FAM13B: variants seen among roughly 807,000 people sequenced by gnomAD.
FAM13B encodes the protein protein FAM13B.
In FAM13B, 60 loss-of-function variants were observed where a neutral mutation model predicts 117.3. That is an observed-to-expected ratio of 0.51 (90% confidence interval 0.42 to 0.63). The LOEUF (loss-of-function observed/expected upper bound fraction) is 0.63. Among genes scored for constraint, FAM13B ranks in the 30% least tolerant of loss-of-function variants. The pLI is 0.00. For missense variants in FAM13B, 972 were observed against 1,091.9 expected (o/e 0.89, Z 1.55); for synonymous variants, 332 against 356.1 (o/e 0.93, Z 0.76).
intron 10 of FAM13B, among the ~76,000 whole-genome samples, chr5:137,966,953 C>T (rs535925278): frequency 7.9e-5 from 12 of 152,130 alleles, no homozygotes; most frequent in Non-Finnish European, 1.5e-4. Context: ...GCTGAATCTG[C>T]TCTTCACATC....
chr5:137,978,403 C>T (rs925940628), intron 10 of FAM13B, among the ~76,000 whole-genome samples: 1 of 151,858 alleles, frequency 6.6e-6, no homozygotes, highest in African/African-American at 2.4e-5. Flanking sequence ...TTTATACTTC[C>T]GATGTCTGTA....
chr5:137,981,661 C>T lies in FAM13B; in HGVS notation c.1179+3596G>A, dbSNP rs145441724. Among the ~76,000 whole-genome samples the T allele has an allele frequency of 3.2e-3, 480 of 152,124 alleles. 1 individual carries two copies. The highest frequency in any genetic ancestry group is 5.7e-3 in the Non-Finnish European group (387 of 68,002). ...ATTAGCCGGGCGTGGTGGCACATGC[C>T]TGTAATCCCAGCTACCTGGGAGGCT... On this transcript the variant is annotated intron_variant, in intron 10 of 23. Transcript: ENST00000689681.
upstream of FAM13B, chr5:138,036,997 A>C (rs1791230552): frequency 2.5e-5 from 5 of 199,648 alleles, no homozygotes; most frequent in South Asian, 4.0e-4. Flanking sequence ...CAGCCCCTAC[A>C]GCAAAGAACA....
intron 10 of FAM13B, among the ~76,000 whole-genome samples, chr5:137,983,176 TAAAAAAAAAAAAAAAAAAAAAAAAAA>T (rs56880991): frequency 1.3e-5 from 1 of 75,118 alleles, no homozygotes; most frequent in African/African-American, 5.7e-5. Flanking sequence ...CCAGTGTAGG[TAAAAAAAAAAAAAAAAAAAAAAAAAA>T]AAAAAAAAAA....
chr5:137,941,537 C>A (rs1386076051), intron 23 of FAM13B, among the ~76,000 whole-genome samples: 1 of 152,162 alleles, frequency 6.6e-6, no homozygotes, highest in East Asian at 1.9e-4. Context: ...AACGGGCAAC[C>A]TCAACACACA....
In FAM13B at chr5:137,987,596, C is replaced by G; in HGVS notation, c.911G>C (p.Arg304Thr). The G allele has an allele frequency of 6.2e-7, 1 of 1,611,450 alleles. No homozygotes were observed. Among genetic ancestry groups the G allele is most frequent in the South Asian group, 1.1e-5 (1 of 90,348 alleles). ...ASTDILERTIRAAVEQHLFDL... is the reference protein window; with the variant it reads ...ASTDILERTITAAVEQHLFDL... ...AAAAAGGTGCTGTTCCACAGCTGCTCTAATTGTTCTTTCTAAAATACTACA... is the reference window on the plus strand; with the variant it reads ...AAAAAGGTGCTGTTCCACAGCTGCTGTAATTGTTCTTTCTAAAATACTACA... The change falls in exon 9 of 24, where the codon AGA becomes ACA. Residue 304 changes from arginine to threonine, a missense_variant. Physicochemically the swap from Arg to Thr is moderately conservative, Grantham distance 71 (BLOSUM62 -1). Coordinates refer to ENST00000689681, the MANE Select transcript of FAM13B (RefSeq NM_001385994.1).
chr5:137,970,976 C>CTA (rs2150393372), intron 10 of FAM13B, among the ~76,000 whole-genome samples: 1 of 152,018 alleles, frequency 6.6e-6, no homozygotes, highest in African/African-American at 2.4e-5. Flanking sequence ...CCTGAGTGAC[C>CTA]TACAAAGAGA....
chr5:137,971,593 G>A (rs1196846979), intron 10 of FAM13B, among the ~76,000 whole-genome samples: 1 of 151,394 alleles, frequency 6.6e-6, no homozygotes, highest in Non-Finnish European at 1.5e-5. Context: ...CTAGCAGAAG[G>A]CAAGAAATAA....
At chr5:137,989,553 A>G (rs1320204964) in intron 7 of FAM13B, among the ~76,000 whole-genome samples, 1 of 152,166 alleles carries the variant, frequency 6.6e-6, no homozygotes. Context: ...GACTAGGTGT[A>G]GTGGTTCATG....
chr5:137,958,485 G>T (rs951327032), intron 13 of FAM13B, among the ~76,000 whole-genome samples: 2 of 150,928 alleles, frequency 1.3e-5, no homozygotes, highest in Non-Finnish European at 2.9e-5. Context: ...CTCCATTTGC[G>T]ATCAGGTGAG....
intron 7 of FAM13B, among the ~76,000 whole-genome samples, chr5:137,999,478 A>G (rs1057266948): frequency 6.6e-6 from 1 of 152,036 alleles, no homozygotes; most frequent in African/African-American, 2.4e-5. Flanking sequence ...CAGGAGGCTG[A>G]GGCAGAAGAA....
intron 10 of FAM13B, among the ~76,000 whole-genome samples, chr5:137,972,335 C>T (rs1772452844): frequency 6.6e-6 from 1 of 152,136 alleles, no homozygotes; most frequent in South Asian, 2.1e-4. Flanking sequence ...TGTAATCCAG[C>T]ATATAAACAG....
chr5:138,021,909 G>A (rs1561540004), intron 1 of FAM13B, among the ~76,000 whole-genome samples: 1 of 152,032 alleles, frequency 6.6e-6, no homozygotes, highest in Non-Finnish European at 1.5e-5. Context: ...TTGAGCCCAG[G>A]AGTTTGAGAC....
intron 7 of FAM13B, among the ~76,000 whole-genome samples, chr5:137,998,056 A>G (rs1231501684): frequency 6.6e-6 from 1 of 152,188 alleles, no homozygotes; most frequent in Non-Finnish European, 1.5e-5. Context: ...TGCCTACCCA[A>G]TCAAGTTATT....
At chr5:137,979,012 AC>A (rs1382346743) in intron 10 of FAM13B, among the ~76,000 whole-genome samples, 7 of 143,692 alleles carry the variant, frequency 4.9e-5, no homozygotes, top group African/African-American at 1.8e-4. Context: ...CACAGTTCAG[AC>A]TTTTTTTTTT....
At position 137,941,888 on chromosome 5, in the gene FAM13B, G is replaced by C. The variant is rs549025350; in HGVS notation, c.2690+56C>G. On this transcript the variant is annotated intron_variant, in intron 23 of 23. Transcript: ENST00000689681. ...CACGTATTCCATTATTTCAACATATGGTCAGTTTGTGAGTTAGAGAAGAAA... is the reference window on the plus strand; with the variant it reads ...CACGTATTCCATTATTTCAACATATCGTCAGTTTGTGAGTTAGAGAAGAAA... 1.6e-5 allele frequency: 21 copies of C among 1,354,514 alleles called. No individual in the cohort carries two copies. The East Asian group carries it at 4.6e-4, about 30-fold the overall frequency. 83.9% of individuals were successfully genotyped at this position (1,354,514 alleles called of 1,614,324 possible). A position where few individuals can be genotyped will look rare whatever the true frequency, so the allele number is the denominator to read the frequency against.
intron 13 of FAM13B, among the ~76,000 whole-genome samples, chr5:137,957,495 G>A (rs911344012): frequency 2.2e-5 from 3 of 135,404 alleles, no homozygotes; most frequent in Non-Finnish European, 3.0e-5. Flanking sequence ...AGCTGAGATC[G>A]CCCCACTGCA....
intron 1 of FAM13B, among the ~76,000 whole-genome samples, chr5:138,031,488 C>T (rs999335680): frequency 3.9e-5 from 6 of 152,112 alleles, no homozygotes; most frequent in African/African-American, 1.4e-4. Flanking sequence ...AGTTCAAGAC[C>T]AGCCTGGCCA....
At chr5:137,945,264 C>G (rs1763127879) in intron 20 of FAM13B, among the ~76,000 whole-genome samples, 2 of 152,142 alleles carry the variant, frequency 1.3e-5, no homozygotes, top group South Asian at 4.1e-4. Context: ...ATGCTGTTTT[C>G]TATTTGAACC....
Sources: allele counts gnomAD v4.1 joint callset (sites outside exome capture counted in the v4.1 genomes callset), GRCh38; gene constraint gnomAD v4.1.1; transcripts MANE v1.5; gene names NCBI Gene and HGNC (gene_info 2026-07-23, HGNC 2026-07-21).